ESRRG: variants seen among roughly 807,000 people sequenced by gnomAD.
The protein encoded by ESRRG is estrogen-related receptor gamma.
A neutral mutation model predicts 44.0 loss-of-function variants in ESRRG; 13 were observed. That is an observed-to-expected ratio of 0.30 (90% CI 0.19 to 0.47). ESRRG has a LOEUF of 0.47. ESRRG is among the 20% of genes least tolerant of loss of function. The pLI, the probability that ESRRG is intolerant of heterozygous loss-of-function variation, is 1.00. For missense variants in ESRRG, 395 were observed against 580.6 expected (o/e 0.68, Z 3.29); for synonymous variants, 215 against 214.6 (o/e 1.00, Z -0.02).
chr1:216,575,586 C>G (rs1458905788), intron 3 of ESRRG, among the ~76,000 whole-genome samples: 1 of 152,082 alleles, frequency 6.6e-6, no homozygotes, highest in South Asian at 2.1e-4. Flanking sequence ...TTATAGCAAT[C>G]CTATGAGGCA....
At chr1:216,651,668 C>T (rs2068998793) in intron 2 of ESRRG, among the ~76,000 whole-genome samples, 1 of 152,128 alleles carries the variant, frequency 6.6e-6, no homozygotes, top group Non-Finnish European at 1.5e-5. Context: ...TTGGTAAATG[C>T]TTACTGATCA....
chr1:217,026,729 C>A lies in ESRRG; in HGVS notation c.-106+62778G>T, dbSNP rs1477805126. Among the ~76,000 whole-genome samples the A allele has an allele frequency of 4.6e-5, 7 of 152,176 alleles. No individual in the cohort carries two copies. The East Asian group carries it at 1.4e-3, about 29-fold the overall frequency. ...CTTTGCAGCCTGCAACATACTGTTA[C>A]ACACAAATAGCCTACAGTGCCATGT... On this transcript the variant is annotated intron_variant, in intron 1 of 7. Coordinates refer to the ESRRG transcript ENST00000359162.
chr1:216,519,214 T>C lies in ESRRG; in HGVS notation c.1070A>G (p.Lys357Arg). The change falls in exon 6 of 7, where the codon AAG becomes AGG. Residue 357 changes from lysine (K) to arginine (R), a missense_variant. Physicochemically the swap from Lys to Arg is conservative, Grantham distance 26. This residue lies in a region of ESRRG where 167 missense variants were observed against 251.8 expected (regional missense o/e 0.66). Transcript: ENST00000408911. The stretch of plus-strand genomic sequence containing the variant: ...TTCTTCTTTTTCCAGCTTCATGCTC[T>C]TGTATTTCTTTACCAGCTGCAGGAT... Reference protein sequence around the residue: ...NAILQLVKKYKSMKLEKEEFV... With the variant: ...NAILQLVKKYRSMKLEKEEFV... The C allele has an allele frequency of 1.2e-6, 2 of 1,613,820 alleles. No individual in the cohort carries two copies. Among genetic ancestry groups the C allele is most frequent in the Non-Finnish European group, 1.7e-6 (2 of 1,179,804 alleles).
chr1:216,671,046 C>T (rs1242089308), intron 2 of ESRRG, among the ~76,000 whole-genome samples: 2 of 152,156 alleles, frequency 1.3e-5, no homozygotes, highest in East Asian at 1.9e-4. Flanking sequence ...TGGGTGCTTG[C>T]TGTACTCTTG....
intron 2 of ESRRG, among the ~76,000 whole-genome samples, chr1:216,856,395 A>T (rs1218149913): frequency 6.7e-6 from 1 of 150,046 alleles, no homozygotes; most frequent in African/African-American, 2.4e-5. Context: ...ACACACTTGG[A>T]ACGAACAGAA....
intron 3 of ESRRG, among the ~76,000 whole-genome samples, chr1:216,568,915 G>A (rs368442695): frequency 9.4e-4 from 143 of 152,048 alleles, no homozygotes; most frequent in African/African-American, 3.1e-3. Flanking sequence ...TTAGCCAGGC[G>A]TGGTGGTGCA....
At chr1:216,773,538 C>T (rs1559577799) in intron 2 of ESRRG, among the ~76,000 whole-genome samples, 1 of 152,132 alleles carries the variant, frequency 6.6e-6, no homozygotes, top group Admixed American at 6.6e-5. Context: ...AGTGGTATTA[C>T]ATAGACTTAA....
intron 2 of ESRRG, among the ~76,000 whole-genome samples, chr1:216,859,283 C>T (rs991754063): frequency 6.6e-6 from 1 of 152,176 alleles, no homozygotes; most frequent in African/African-American, 2.4e-5. Flanking sequence ...GACCTATGAT[C>T]ATCTCAGCTT....
chr1:217,079,207 A>G (rs1553347), intron 1 of ESRRG, among the ~76,000 whole-genome samples: 24,413 of 152,176 alleles, frequency 0.16, 2,245 homozygotes, highest in Admixed American at 0.22. Flanking sequence ...AATTCAAGTC[A>G]TTGGTTAACC....
intron 1 of ESRRG, among the ~76,000 whole-genome samples, chr1:217,059,924 G>C (rs17637497): frequency 0.33 from 50,280 of 151,912 alleles, 9,059 homozygotes; most frequent in Non-Finnish European, 0.4. Flanking sequence ...GACTAGACTA[G>C]AGTGTTTGAG....
At chr1:216,911,736 T>G (rs1168177296) in intron 2 of ESRRG, among the ~76,000 whole-genome samples, 1 of 152,036 alleles carries the variant, frequency 6.6e-6, no homozygotes, top group Non-Finnish European at 1.5e-5. Flanking sequence ...TCAATTTTGC[T>G]GTCAACCTAA....
intron 1 of ESRRG, among the ~76,000 whole-genome samples, chr1:217,072,818 T>G (rs1166727715): frequency 1.3e-5 from 2 of 152,198 alleles, no homozygotes; most frequent in Admixed American, 1.3e-4. Context: ...GCCATAGCCC[T>G]GGTTTTGCAG....
rs115981601 is a variant in ESRRG, at chr1:216,667,824, C to T, written c.472+9252G>A. Among the ~76,000 whole-genome samples, 958 of 151,632 alleles carry T rather than the reference C, an allele frequency of 6.3e-3. 14 individuals are homozygous for T. Among genetic ancestry groups the T allele is most frequent in the Admixed American group, 0.016 (248 of 15,240 alleles). ...ATTACTTAAAATAAATAAGGCTGGG[C>T]GCGGTGGCTCACGCTAATCCTAGCA... On this transcript the variant is annotated intron_variant, in intron 2 of 6. Transcript: ENST00000408911.
chr1:216,593,528 A>G (rs1459403576), intron 3 of ESRRG, among the ~76,000 whole-genome samples: 2 of 152,230 alleles, frequency 1.3e-5, no homozygotes, highest in Non-Finnish European at 2.9e-5. Context: ...GATAACAGCC[A>G]ATTGTAAATA....
At chr1:216,824,481 A>AT in intron 2 of ESRRG, among the ~76,000 whole-genome samples, 1 of 146,478 alleles carries the variant, frequency 6.8e-6, no homozygotes, top group Non-Finnish European at 1.5e-5. Flanking sequence ...TAGTCATTTT[A>AT]ATTTTTTTTT....
At chr1:216,857,863 G>T (rs571647485) in intron 2 of ESRRG, among the ~76,000 whole-genome samples, 2 of 151,608 alleles carry the variant, frequency 1.3e-5, no homozygotes, top group African/African-American at 2.4e-5. Flanking sequence ...CCACATAAAA[G>T]TTCACTAATT....
chr1:216,591,358 G>T lies in ESRRG; in HGVS notation c.590-23260C>A, dbSNP rs370346949. On this transcript the variant is annotated intron_variant, in intron 3 of 6. Transcript: ENST00000408911. Reference sequence around the variant, plus strand: ...GCTGGAAGGTGGTGTGCCAGAGAGAGCATGGAAGCTCTGTGCCCCTCCCAG... The same window carrying T: ...GCTGGAAGGTGGTGTGCCAGAGAGATCATGGAAGCTCTGTGCCCCTCCCAG... Among the ~76,000 whole-genome samples the T allele has an allele frequency of 1.2e-4, 19 of 152,312 alleles. 1 individual carries two copies. In the Middle Eastern group the frequency reaches 0.01, roughly 82 times the overall value.
chr1:217,035,319 CAAA>C (rs397709457), intron 1 of ESRRG, among the ~76,000 whole-genome samples: 3 of 75,174 alleles, frequency 4.0e-5, no homozygotes, highest in Non-Finnish European at 7.3e-5. Context: ...GACTCTGTCT[CAAA>C]AAAAAAAAAA....
intron 5 of ESRRG, among the ~76,000 whole-genome samples, chr1:216,522,507 A>G (rs2046397827): frequency 6.6e-6 from 1 of 151,948 alleles, no homozygotes; most frequent in African/African-American, 2.4e-5. Flanking sequence ...TTCCTACCAC[A>G]CCACTGCAAT....
Sources: gnomAD v4.1 joint callset for allele counts (sites outside exome capture counted in the v4.1 genomes callset) on GRCh38, gnomAD v4.1.1 for gene constraint, gnomAD v4.1.1 regional missense constraint, MANE v1.5 for transcripts, NCBI Gene and HGNC (gene_info 2026-07-23, HGNC 2026-07-21) for gene names.